The following ANTXR2 variants were observed in gnomAD, a reference collection of about 807,000 sequenced individuals.
The protein encoded by ANTXR2 is ANTXR cell adhesion molecule 2, also known as anthrax toxin receptor 2.
A neutral mutation model predicts 73.7 loss-of-function variants in ANTXR2; 44 were observed. The observed-to-expected ratio is 0.60, with a 90% CI of 0.47 to 0.77. The LOEUF is 0.77. Among genes scored for constraint, ANTXR2 ranks in the 30% least tolerant of loss-of-function variants. The probability of loss-of-function intolerance (pLI) is 0.00; values close to 1 mark genes in which losing one functional copy is unlikely to be tolerated. For missense variants in ANTXR2, 604 were observed against 592.5 expected (o/e 1.02, Z -0.20); for synonymous variants, 217 against 205.9 (o/e 1.05, Z -0.46).
At chr4:79,990,383 C>CAAAAAAAAAAAAAAAAAAA (rs70944757) in intron 12 of ANTXR2, among the ~76,000 whole-genome samples, 16 of 76,912 alleles carry the variant, frequency 2.1e-4, no homozygotes, top group Non-Finnish European at 3.0e-4. Flanking sequence ...ACAACAGTTA[C>CAAAAAAAAAAAAAAAAAAA]AAAAAAAAAA....
At chr4:79,925,599 C>G (rs1727752025) in intron 16 of ANTXR2, among the ~76,000 whole-genome samples, 1 of 152,014 alleles carries the variant, frequency 6.6e-6, no homozygotes, top group South Asian at 2.1e-4. Flanking sequence ...GTTGATTTGA[C>G]ATTGTTCAGG....
chr4:79,976,079 A>AT (rs1191242449), intron 16 of ANTXR2, among the ~76,000 whole-genome samples: 2 of 151,642 alleles, frequency 1.3e-5, no homozygotes, highest in African/African-American at 2.4e-5. Context: ...CGCCCTGCTA[A>AT]TTTTTTTTAT....
intron 16 of ANTXR2, among the ~76,000 whole-genome samples, chr4:79,916,497 T>G (rs1311859856): frequency 6.6e-6 from 1 of 152,128 alleles, no homozygotes; most frequent in East Asian, 1.9e-4. Flanking sequence ...TTCTGCTTTC[T>G]AATCTCAATT....
intron 14 of ANTXR2, among the ~76,000 whole-genome samples, chr4:79,982,467 A>G (rs1729933054): frequency 6.6e-6 from 1 of 152,130 alleles, no homozygotes; most frequent in Non-Finnish European, 1.5e-5. Flanking sequence ...TTTGATTGTA[A>G]CACTTTTATT....
rs535191034 is a variant in ANTXR2, at chr4:79,920,918, C to A, written c.1429-13451G>T. ...ATCAGACAATATCAGACTAAAGAAT[C>A]CAAACTACAATCTTCATGTCAAATA... is the stretch of plus-strand genomic sequence containing the variant. On this transcript the variant is annotated intron_variant, in intron 16 of 16. Coordinates refer to ENST00000403729, the MANE Select transcript of ANTXR2 (RefSeq NM_058172.6). Among the ~76,000 whole-genome samples, 3 of 152,060 alleles carry A rather than the reference C, an allele frequency of 2.0e-5. No individual in the cohort carries two copies. In the South Asian group the frequency reaches 6.2e-4, roughly 32 times the overall value.
intron 9 of ANTXR2, 86 bp downstream of exon 9, chr4:80,033,386 A>T (rs1447659808): frequency 2.5e-5 from 23 of 906,210 alleles, no homozygotes; most frequent in Non-Finnish European, 3.4e-5. Context: ...TATGTCAGTT[A>T]GTTTTCGTTG....
intron 10 of ANTXR2, among the ~76,000 whole-genome samples, chr4:80,030,340 C>T (rs184434954): frequency 9.2e-5 from 14 of 152,066 alleles, no homozygotes; most frequent in Non-Finnish European, 1.9e-4. Context: ...CCTGGAATTA[C>T]AGATTCACTA....
At chr4:80,052,779 G>C (rs761394820) in intron 7 of ANTXR2, among the ~76,000 whole-genome samples, 5 of 151,586 alleles carry the variant, frequency 3.3e-5, no homozygotes, top group Non-Finnish European at 7.4e-5. Flanking sequence ...GCCATACTTA[G>C]AAGTTACATT....
intron 11 of ANTXR2, among the ~76,000 whole-genome samples, chr4:80,012,648 G>T (rs1046660493): frequency 6.6e-6 from 1 of 152,102 alleles, no homozygotes; most frequent in Non-Finnish European, 1.5e-5. Context: ...GTCAGGGGGT[G>T]GGGGAGACAG....
intron 16 of ANTXR2, among the ~76,000 whole-genome samples, chr4:79,911,020 G>A (rs989611508): frequency 6.6e-6 from 1 of 152,174 alleles, no homozygotes; most frequent in Non-Finnish European, 1.5e-5. Flanking sequence ...AAGTGACCAT[G>A]ATCAGATAGC....
intron 12 of ANTXR2, among the ~76,000 whole-genome samples, chr4:79,993,489 C>T (rs756621162): frequency 3.3e-5 from 5 of 151,786 alleles, no homozygotes; most frequent in African/African-American, 1.2e-4. Flanking sequence ...CTTAAATGTA[C>T]CTAGTACAAC....
chr4:80,041,049 C>A (rs1293550084), intron 7 of ANTXR2, among the ~76,000 whole-genome samples: 2 of 152,044 alleles, frequency 1.3e-5, no homozygotes, highest in African/African-American at 2.4e-5. Context: ...TATGTTCCAG[C>A]AACTATGCTA....
intron 7 of ANTXR2, among the ~76,000 whole-genome samples, chr4:80,042,348 A>G (rs1281474280): frequency 6.6e-6 from 1 of 152,080 alleles, no homozygotes; most frequent in Non-Finnish European, 1.5e-5. Context: ...TAGGTTTCAT[A>G]GTTCTAAAAT....
At chr4:80,042,569 G>A (rs2110094302) in intron 7 of ANTXR2, among the ~76,000 whole-genome samples, 1 of 151,940 alleles carries the variant, frequency 6.6e-6, no homozygotes, top group South Asian at 2.1e-4. Flanking sequence ...CTCTATATAG[G>A]TTTCCTTTAT....
chr4:80,019,074 T>C, intron 10 of ANTXR2, 98 bp from the exon 11 acceptor site: 2 of 804,828 alleles, frequency 2.5e-6, no homozygotes, highest in Non-Finnish European at 3.7e-6. Flanking sequence ...CCAGAAAACA[T>C]ACTTAAAGAG....
chr4:79,931,449 T>TTCTCTCTCTC (rs142694925), intron 16 of ANTXR2, among the ~76,000 whole-genome samples: 1 of 134,086 alleles, frequency 7.5e-6, no homozygotes, highest in African/African-American at 3.4e-5. Context: ...TCCTCGCTTC[T>TTCTCTCTCTC]TCTCTCTCTC....
Position 79,907,453 on chromosome 4 carries a change from G to A in ANTXR2, c.1443C>T (p.Asn481=). 1 of 1,613,154 alleles carries A rather than the reference G, an allele frequency of 6.2e-7. No individual in the cohort carries two copies. Among genetic ancestry groups the A allele is most frequent in the Non-Finnish European group, 8.5e-7 (1 of 1,179,420 alleles). ...TTTACTGAGATGGAACTCGGGAGAA[G>A]TTTATGCACCGGCCCTGAAGAAAGA... ...PQEGDEGRCI[N]FSRVPSQ The change falls in exon 17 of 17, where the codon AAC becomes AAT. Residue 481 remains asparagine (N), a synonymous_variant. Coordinates refer to ENST00000403729, the MANE Select transcript of ANTXR2 (RefSeq NM_058172.6).
chr4:79,915,862 C>CTCTCTCTATATATATATA (rs377006532), intron 16 of ANTXR2, among the ~76,000 whole-genome samples: 3 of 123,872 alleles, frequency 2.4e-5, no homozygotes, highest in African/African-American at 6.1e-5. Flanking sequence ...CTCTCTCTCT[C>CTCTCTCTATATATATATA]TATATATATA....
rs185673496 is a variant in ANTXR2, at chr4:80,056,337, T to C, written c.297-324A>G. Among the ~76,000 whole-genome samples, 10 of 152,008 alleles carry C rather than the reference T, an allele frequency of 6.6e-5. No homozygotes were observed. The East Asian group carries it at 1.8e-3, about 27-fold the overall frequency. On this transcript the variant is annotated intron_variant, in intron 3 of 16. Coordinates refer to ENST00000403729, the MANE Select transcript of ANTXR2 (RefSeq NM_058172.6). ...AAAAGGAGTAAAATATACCTTCCCT[T>C]ATCCACAAAAATACAAAAATTGAGT...
Sources: allele counts gnomAD v4.1 joint callset (sites outside exome capture counted in the v4.1 genomes callset), GRCh38; gene constraint gnomAD v4.1.1; transcripts MANE v1.5; gene names NCBI Gene and HGNC (gene_info 2026-07-23, HGNC 2026-07-21).